MLEC: variants seen among roughly 807,000 people sequenced by gnomAD.
MLEC encodes malectin.
MLEC carries 7 observed loss-of-function variants against 28.7 expected under a neutral mutation model. The ratio of observed to expected loss-of-function variants is 0.24; its 90% confidence interval spans 0.14 to 0.46. MLEC has a LOEUF of 0.46. Among genes scored for constraint, MLEC ranks in the 20% least tolerant of loss-of-function variants. MLEC has a pLI of 0.99. For synonymous variants in MLEC, 142 were observed against 164.4 expected, an observed-to-expected ratio of 0.86 and a Z score of 1.04; for missense variants, 237 against 391.1, an observed-to-expected ratio of 0.61 and a Z score of 3.32.
chr12:120,696,862 T>G lies in MLEC; in HGVS notation c.*317T>G, dbSNP rs888044890. 3.1e-6 allele frequency: 1 copy of G among 319,560 alleles called. No individual in the cohort carries two copies. The highest frequency in any genetic ancestry group is 5.8e-6 in the Non-Finnish European group (1 of 171,968). 19.8% of individuals were successfully genotyped at this position (319,560 alleles called of 1,614,324 possible). On this transcript the variant is annotated 3_prime_UTR_variant, in exon 5 of 5. Transcript: ENST00000228506. The surrounding 1 kb of genome is among the most constrained non-coding windows in gnomAD (Gnocchi z 5.4). Reference sequence around the variant, plus strand: ...TTTGTATACCTAGTGGAAAGGACTCTGAACTCAGAGGAGTCACTGTTCCTT... The same window carrying G: ...TTTGTATACCTAGTGGAAAGGACTCGGAACTCAGAGGAGTCACTGTTCCTT...
Position 120,696,477 on chromosome 12 carries a change from C to A in MLEC, c.811C>A (p.Leu271Ile). The change falls in exon 5 of 5, where the codon CTC (leucine) becomes ATC (isoleucine). Residue 271 changes from leucine to isoleucine, a missense_variant. Transcript: ENST00000228506. This position sits in a 1 kb window ranked among gnomAD's most constrained non-coding sequence, Gnocchi z 5.4. ...PNPYASDNSS[L>I]MFPILVAFGV... ...CCCCTATGCCTCGGACAACAGCAGC[C>A]TCATGTTTCCCATCCTGGTGGCCTT... is the stretch of plus-strand genomic sequence containing the variant. The A allele has an allele frequency of 2.5e-6, 4 of 1,614,186 alleles. No individual in the cohort carries two copies. Among genetic ancestry groups the A allele is most frequent in the Non-Finnish European group, 3.4e-6 (4 of 1,180,026 alleles).
At position 120,692,162 on chromosome 12, in the gene MLEC, AAAAAAC is replaced by A. The variant is rs527660945; in HGVS notation, c.236-1911_236-1906del. Among the ~76,000 whole-genome samples the A allele has an allele frequency of 7.0e-4, 107 of 152,316 alleles. No homozygotes were observed. In the South Asian group the frequency reaches 8.1e-3, roughly 11 times the overall value. On this transcript the variant is annotated intron_variant, in intron 1 of 4. Coordinates refer to ENST00000228506, the MANE Select transcript of MLEC (RefSeq NM_014730.4). ...GCAACAAGAGCGAAACTCCGTCTCC[AAAAAAC>A]AAAAACAAAAACAAAAAAACAATTC...
At chr12:120,693,039 G>C (rs1882097458) in intron 1 of MLEC, among the ~76,000 whole-genome samples, 1 of 152,138 alleles carries the variant, frequency 6.6e-6, no homozygotes, top group African/African-American at 2.4e-5. Context: ...GCGAGAGGAA[G>C]AAAAAAACAT....
Position 120,694,816 on chromosome 12 carries a change from C to G in MLEC, c.415-8C>G. 6.2e-7 allele frequency: 1 copy of G among 1,601,100 alleles called. No individual in the cohort carries two copies. The highest frequency in any genetic ancestry group is 8.5e-7 in the Non-Finnish European group (1 of 1,171,370). On this transcript the variant is annotated splice_region_variant and splice_polypyrimidine_tract_variant and intron_variant, in intron 2 of 4. Transcript: ENST00000228506. This position sits in a 1 kb window ranked among gnomAD's most constrained non-coding sequence, Gnocchi z 4.5. ...TTTTGACATTGTTTTCTTTTCTTAT[C>G]CTGGAAGGTATTTGATGTACGATTG...
In MLEC at chr12:120,696,151, A is replaced by G. The variant is rs1882222139; in HGVS notation, c.650-165A>G. On this transcript the variant is annotated intron_variant, in intron 4 of 4. Transcript: ENST00000228506. The surrounding 1 kb of genome is among the most constrained non-coding windows in gnomAD (Gnocchi z 5.4). Reference sequence around the variant, plus strand: ...TAGTTAAATCTAAAGCTTTTGCAGCACTCTGCTGTTCTGTAGACCAGAGGC... The same window carrying G: ...TAGTTAAATCTAAAGCTTTTGCAGCGCTCTGCTGTTCTGTAGACCAGAGGC... 1.3e-5 allele frequency among the ~76,000 whole-genome samples: 2 copies of G among 151,968 alleles called. No individual in the cohort carries two copies.
intron 1 of MLEC, among the ~76,000 whole-genome samples, chr12:120,689,029 G>A (rs1051793726): frequency 1.3e-5 from 2 of 152,242 alleles, no homozygotes; most frequent in Non-Finnish European, 2.9e-5. Context: ...AGATAGCGGT[G>A]GTGAGGGTGC....
Position 120,701,013 on chromosome 12 carries a change from C to A in MLEC, c.*4468C>A, listed in dbSNP as rs539888694. 2.6e-5 allele frequency: 4 copies of A among 152,300 alleles called. No homozygotes were observed. Among genetic ancestry groups the A allele is most frequent in the African/African-American group, 9.6e-5 (4 of 41,566 alleles). The allele number at this position is 152,300 out of a possible 1,614,324, so 9.4% of individuals were successfully genotyped here. On this transcript the variant is annotated 3_prime_UTR_variant, in exon 5 of 5. Coordinates refer to ENST00000228506, the MANE Select transcript of MLEC (RefSeq NM_014730.4). This position sits in a 1 kb window ranked among gnomAD's most constrained non-coding sequence, Gnocchi z 4.0. ...CCCCCAGGAGTATAAACACAAGGAG[C>A]CAGGATTGTGCTGGCAGCCAAGGAA...
At position 120,696,587 on chromosome 12, in the gene MLEC, A is replaced by G; in HGVS notation, c.*42A>G. The stretch of plus-strand genomic sequence containing the variant: ...TGAACAGGGTGGAGGGGTGTGGGAA[A>G]GAAACCAGCCATATTGGTTTTGGTT... On this transcript the variant is annotated 3_prime_UTR_variant, in exon 5 of 5. Coordinates refer to ENST00000228506, the MANE Select transcript of MLEC (RefSeq NM_014730.4). This position sits in a 1 kb window ranked among gnomAD's most constrained non-coding sequence, Gnocchi z 5.4. The G allele has an allele frequency of 6.2e-7, 1 of 1,601,780 alleles. No individual in the cohort carries two copies. The highest frequency in any genetic ancestry group is 8.5e-7 in the Non-Finnish European group (1 of 1,173,804).
chr12:120,688,632 T>C (rs538759360), intron 1 of MLEC, among the ~76,000 whole-genome samples: 1 of 152,376 alleles, frequency 6.6e-6, no homozygotes, highest in African/African-American at 2.4e-5. Context: ...TCACTTTCTC[T>C]CATTCTTTTT....
rs192450115 is a variant in MLEC at position 120,693,395 on chromosome 12, G to C, written c.236-696G>C. Among the ~76,000 whole-genome samples, 208 of 152,268 alleles carry C rather than the reference G, an allele frequency of 1.4e-3. 1 individual carries two copies. Among genetic ancestry groups the C allele is most frequent in the African/African-American group, 4.8e-3 (200 of 41,556 alleles). On this transcript the variant is annotated intron_variant, in intron 1 of 4. Coordinates refer to ENST00000228506, the MANE Select transcript of MLEC (RefSeq NM_014730.4). ...GCAGTGGTGACTTTTTTTTTCTGCT[G>C]TTGGTTTATCTGAGTGAATGTTCAA... is the stretch of plus-strand genomic sequence containing the variant.
chr12:120,700,940 T>A lies in MLEC; in HGVS notation c.*4395T>A, dbSNP rs775291906. ...TGATAAGAGCAGGTGATTTGGGGAC[T>A]AGCTGGGTTGGCAGGAAAAGAGCAG... On this transcript the variant is annotated 3_prime_UTR_variant, in exon 5 of 5. Transcript: ENST00000228506. The surrounding 1 kb of genome is among the most constrained non-coding windows in gnomAD (Gnocchi z 4.0). 1 of 152,334 alleles carries A rather than the reference T, an allele frequency of 6.6e-6. No homozygotes were observed. Among genetic ancestry groups the A allele is most frequent in the Non-Finnish European group, 1.5e-5 (1 of 68,150 alleles). The allele number at this position is 152,334 out of a possible 1,614,324, so 9.4% of individuals were successfully genotyped here.
In MLEC at chr12:120,687,322, G is replaced by A. The variant is rs1881859143; in HGVS notation, c.26G>A (p.Gly9Glu). ...ATGCTGGGAGCCTGGGCGGTTGAGG[G>A]AACCGCTGTGGCGCTCCTGCGACTG... MLGAWAVE[G>E]TAVALLRLLL... Residue 9 changes from glycine (G) to glutamate (E), a missense_variant, in exon 1 of 5, where the codon GGA becomes GAA. Transcript: ENST00000228506. This position sits in a 1 kb window ranked among gnomAD's most constrained non-coding sequence, Gnocchi z 8.1. 11 of 1,400,862 alleles carry A rather than the reference G, an allele frequency of 7.9e-6. No individual in the cohort carries two copies. Among genetic ancestry groups the A allele is most frequent in the East Asian group, 3.1e-5 (1 of 32,650 alleles). The allele number at this position is 1,400,862 out of a possible 1,614,324, so 86.8% of individuals were successfully genotyped here. A position where few individuals can be genotyped will look rare whatever the true frequency, so the allele number is the denominator to read the frequency against.
Position 120,695,013 on chromosome 12 carries a change from T to C in MLEC, c.591+13T>C, listed in dbSNP as rs200506897. ...TGAGTTTGTCAAGGTAATTCCCCTA[T>C]TCTGCCCATTGCTGAAGAGAGTGGG... On this transcript the variant is annotated intron_variant, in intron 3 of 4. Coordinates refer to ENST00000228506, the MANE Select transcript of MLEC (RefSeq NM_014730.4). 3,253 of 1,614,164 alleles carry C rather than the reference T, an allele frequency of 2.0e-3. 12 individuals carry two copies. The highest frequency in any genetic ancestry group is 2.4e-3 in the Non-Finnish European group (2,863 of 1,180,006).
In MLEC at chr12:120,701,373, G is replaced by A. The variant is rs1470471253; in HGVS notation, c.*4828G>A. ...TGACCCTGGATTGGTTCTCTCCTTG[G>A]ACTTAAGGAATCTTACCTTTTCCTT... is the stretch of plus-strand genomic sequence containing the variant. On this transcript the variant is annotated 3_prime_UTR_variant, in exon 5 of 5. Coordinates refer to ENST00000228506, the MANE Select transcript of MLEC (RefSeq NM_014730.4). This position sits in a 1 kb window ranked among gnomAD's most constrained non-coding sequence, Gnocchi z 4.0. The A allele has an allele frequency of 6.6e-6, 1 of 152,556 alleles. No individual in the cohort carries two copies. Among genetic ancestry groups the A allele is most frequent in the African/African-American group, 2.4e-5 (1 of 41,386 alleles). 9.5% of individuals were successfully genotyped at this position (152,556 alleles called of 1,614,324 possible). A position where few individuals can be genotyped will look rare whatever the true frequency, so the allele number is the denominator to read the frequency against.
In MLEC at chr12:120,697,994, A is replaced by C. The variant is rs1882301365; in HGVS notation, c.*1449A>C. 1 of 152,024 alleles carries C rather than the reference A, an allele frequency of 6.6e-6. No homozygotes were observed. Among genetic ancestry groups the C allele is most frequent in the Non-Finnish European group, 1.5e-5 (1 of 68,006 alleles). The allele number at this position is 152,024 out of a possible 1,614,324, so 9.4% of individuals were successfully genotyped here. A position where few individuals can be genotyped will look rare whatever the true frequency, so the allele number is the denominator to read the frequency against. Reference sequence around the variant, plus strand: ...GTGTCGATCTTGAATTCCCTGAAAAAATTTCTATAGGAAATGAAGCTTCCC... The same window carrying C: ...GTGTCGATCTTGAATTCCCTGAAAACATTTCTATAGGAAATGAAGCTTCCC... On this transcript the variant is annotated 3_prime_UTR_variant, in exon 5 of 5. Coordinates refer to ENST00000228506, the MANE Select transcript of MLEC (RefSeq NM_014730.4). This position sits in a 1 kb window ranked among gnomAD's most constrained non-coding sequence, Gnocchi z 4.8.
In MLEC at chr12:120,696,770, C is replaced by T. The variant is rs922010345; in HGVS notation, c.*225C>T. 5 of 603,286 alleles carry T rather than the reference C, an allele frequency of 8.3e-6. No homozygotes were observed. Among genetic ancestry groups the T allele is most frequent in the Non-Finnish European group, 1.4e-5 (5 of 352,592 alleles). The allele number at this position is 603,286 out of a possible 1,614,324, so 37.4% of individuals were successfully genotyped here. On this transcript the variant is annotated 3_prime_UTR_variant, in exon 5 of 5. Coordinates refer to ENST00000228506, the MANE Select transcript of MLEC (RefSeq NM_014730.4). This position sits in a 1 kb window ranked among gnomAD's most constrained non-coding sequence, Gnocchi z 5.4. The stretch of plus-strand genomic sequence containing the variant: ...CCTCGTCCTCTCTTTGTGGCTGGCT[C>T]CCAGCCTTCTCTTTCCTCTTGAGGA...
In MLEC at chr12:120,699,488, C is replaced by T. The variant is rs1882363201; in HGVS notation, c.*2943C>T. 6.6e-6 allele frequency: 1 copy of T among 152,250 alleles called. No individual in the cohort carries two copies. The highest frequency in any genetic ancestry group is 6.5e-5 in the Admixed American group (1 of 15,286). 9.4% of individuals were successfully genotyped at this position (152,250 alleles called of 1,614,324 possible). ...AGAGCTGGGCTGAGAGTTCTGCAGT[C>T]TAGCTCTGACTTAGGTCAGGGGCCT... On this transcript the variant is annotated 3_prime_UTR_variant, in exon 5 of 5. Transcript: ENST00000228506.
chr12:120,687,542 CCCTGCCGAGCCGCGGGATCCAGGG>C lies in MLEC; in HGVS notation c.235+17_235+40del. 1 of 1,491,498 alleles carries C rather than the reference CCCTGCCGAGCCGCGGGATCCAGGG, an allele frequency of 6.7e-7. No homozygotes were observed. The highest frequency in any genetic ancestry group is 1.3e-5 in the South Asian group (1 of 75,578). The allele number at this position is 1,491,498 out of a possible 1,614,324, so 92.4% of individuals were successfully genotyped here. A position where few individuals can be genotyped will look rare whatever the true frequency, so the allele number is the denominator to read the frequency against. On this transcript the variant is annotated intron_variant, in intron 1 of 4. Transcript: ENST00000228506. This position sits in a 1 kb window ranked among gnomAD's most constrained non-coding sequence, Gnocchi z 8.1. ...GCCGGGTGGGCCGAGGTGAGAGTCC[CCCTGCCGAGCCGCGGGATCCAGGG>C]CCTGCTGTGCTGGGCGCAGCCGGCC...
rs1000586845 is a variant in MLEC at position 120,696,798 on chromosome 12, C to T, written c.*253C>T. The T allele has an allele frequency of 1.9e-6, 1 of 536,920 alleles. No homozygotes were observed. The highest frequency in any genetic ancestry group is 3.3e-6 in the Non-Finnish European group (1 of 304,966). 33.3% of individuals were successfully genotyped at this position (536,920 alleles called of 1,614,324 possible). On this transcript the variant is annotated 3_prime_UTR_variant, in exon 5 of 5. Coordinates refer to ENST00000228506, the MANE Select transcript of MLEC (RefSeq NM_014730.4). The surrounding 1 kb of genome is among the most constrained non-coding windows in gnomAD (Gnocchi z 5.4). ...AGCCTTCTCTTTCCTCTTGAGGATA[C>T]TTAGGGTAAACTGGATCCTTCCTGC... is the stretch of plus-strand genomic sequence containing the variant.
Sources: allele counts gnomAD v4.1 joint callset (sites outside exome capture counted in the v4.1 genomes callset), GRCh38; gene constraint gnomAD v4.1.1; non-coding constraint Gnocchi (gnomAD v3.1); transcripts MANE v1.5; gene names NCBI Gene and HGNC (gene_info 2026-07-23, HGNC 2026-07-21).